Variants in WDPCP observed in about 807,000 individuals in gnomAD.
WDPCP encodes the protein WD repeat containing planar cell polarity effector.
A neutral mutation model predicts 93.1 loss-of-function variants in WDPCP; 71 were observed. The observed-to-expected ratio is 0.76, with a 90% confidence interval of 0.63 to 0.93. The LOEUF (loss-of-function observed/expected upper bound fraction) is 0.93. WDPCP is among the 40% of genes least tolerant of loss of function. The pLI, the probability that WDPCP is intolerant of heterozygous loss-of-function variation, is 0.00. For missense variants in WDPCP, 844 were observed against 887.4 expected, an observed-to-expected ratio of 0.95 and a Z score of 0.62; for synonymous variants, 315 against 315.0, an observed-to-expected ratio of 1.00 and a Z score of 0.00.
chr2:63,476,579 T>C (rs1699986718), intron 6 of WDPCP, among the ~76,000 whole-genome samples: 1 of 152,184 alleles, frequency 6.6e-6, no homozygotes, highest in Admixed American at 6.6e-5. Context: ...AGTGATTTCA[T>C]GTGTCTATTT....
chr2:63,419,792 A>G (rs1695709227), intron 9 of WDPCP, among the ~76,000 whole-genome samples: 1 of 152,132 alleles, frequency 6.6e-6, no homozygotes, highest in African/African-American at 2.4e-5. Context: ...ATAAATCAGG[A>G]AAAAAAATTA....
chr2:63,349,190 C>G (rs1558502886), intron 12 of WDPCP, among the ~76,000 whole-genome samples: 1 of 151,774 alleles, frequency 6.6e-6, no homozygotes, highest in Non-Finnish European at 1.5e-5. Context: ...GTCAAAGTTC[C>G]TGGTTTTTTT....
chr2:63,156,552 A>G (rs1031393430), intron 15 of WDPCP, among the ~76,000 whole-genome samples: 4 of 151,730 alleles, frequency 2.6e-5, no homozygotes, highest in Admixed American at 6.6e-5. Flanking sequence ...TCTGGCCAAC[A>G]TGGTAAAACC....
intron 2 of WDPCP, among the ~76,000 whole-genome samples, chr2:63,657,346 A>T (rs1354339983): frequency 6.6e-6 from 1 of 151,482 alleles, no homozygotes; most frequent in East Asian, 2.0e-4. Flanking sequence ...CTGGGACTAC[A>T]GGCACCCGCC....
intron 2 of WDPCP, among the ~76,000 whole-genome samples, chr2:63,670,756 A>C (rs1211531192): frequency 2.6e-5 from 4 of 152,206 alleles, no homozygotes; most frequent in African/African-American, 9.6e-5. Flanking sequence ...CAGAAATGGC[A>C]TCTGAGGTTA....
chr2:63,488,799 T>C (rs1700711295), intron 2 of WDPCP, among the ~76,000 whole-genome samples: 2 of 152,034 alleles, frequency 1.3e-5, no homozygotes, highest in Admixed American at 6.6e-5. Flanking sequence ...ATATATATCA[T>C]AACTCTAGAA....
At chr2:63,687,876 A>G (rs1668832082) in intron 2 of WDPCP, among the ~76,000 whole-genome samples, 1 of 152,234 alleles carries the variant, frequency 6.6e-6, no homozygotes, top group African/African-American at 2.4e-5. Flanking sequence ...TCGAAGATGT[A>G]TCTGTACTCC....
chr2:63,592,092 C>A (rs1709210918), upstream of WDPCP, among the ~76,000 whole-genome samples: 1 of 152,112 alleles, frequency 6.6e-6, no homozygotes, highest in Non-Finnish European at 1.5e-5. Context: ...TTGGTGTATC[C>A]TTTTTGTTTC....
At chr2:63,650,109 C>T (rs893903703) in intron 3 of WDPCP, among the ~76,000 whole-genome samples, 8 of 152,172 alleles carry the variant, frequency 5.3e-5, no homozygotes, top group Non-Finnish European at 1.2e-4. Flanking sequence ...AATGGAATAA[C>T]CAGCTTGGAT....
chr2:63,180,033 A>T (rs1574812716), intron 14 of WDPCP, among the ~76,000 whole-genome samples: 2 of 152,278 alleles, frequency 1.3e-5, no homozygotes, highest in East Asian at 3.9e-4. Flanking sequence ...GGAGGTCATT[A>T]TCTTAAGTGA....
In WDPCP at chr2:63,524,692, C is replaced by T. The variant is rs534248408; in HGVS notation, c.76-31752G>A. ...AAATACCATTCTAGACATAGGACTT[C>T]GCAAAGATTTCATGATGAAGATGGC... On this transcript the variant is annotated intron_variant, in intron 1 of 17. Transcript: ENST00000272321. 6.6e-5 allele frequency among the ~76,000 whole-genome samples: 10 copies of T among 152,088 alleles called. No individual in the cohort carries two copies. The South Asian group carries it at 1.7e-3, about 25-fold the overall frequency.
intron 6 of WDPCP, among the ~76,000 whole-genome samples, chr2:63,464,550 T>C (rs1699221003): frequency 6.6e-6 from 1 of 152,028 alleles, no homozygotes; most frequent in African/African-American, 2.4e-5. Flanking sequence ...TCCAAAAGAA[T>C]TGAAAGCGGG....
chr2:63,832,271 C>G (rs1243274694), upstream of WDPCP, among the ~76,000 whole-genome samples: 2 of 152,190 alleles, frequency 1.3e-5, no homozygotes, highest in Non-Finnish European at 2.9e-5. Context: ...CATTTTCCAT[C>G]AGGTAATAAT....
At chr2:63,581,816 T>C (rs1179743862) in intron 1 of WDPCP, among the ~76,000 whole-genome samples, 1 of 151,882 alleles carries the variant, frequency 6.6e-6, no homozygotes, top group Non-Finnish European at 1.5e-5. Context: ...AGACCAGCCC[T>C]GGAAACATGG....
At chr2:63,655,129 C>T (rs1201001347) in intron 2 of WDPCP, among the ~76,000 whole-genome samples, 1 of 152,118 alleles carries the variant, frequency 6.6e-6, no homozygotes, top group Non-Finnish European at 1.5e-5. Context: ...GTGGGTCTGC[C>T]CAATTGCAAA....
At chr2:63,485,362 T>TG (rs1179519259) in intron 4 of WDPCP, among the ~76,000 whole-genome samples, 1 of 126,002 alleles carries the variant, frequency 7.9e-6, no homozygotes, top group East Asian at 2.3e-4. Flanking sequence ...TACTCAGACC[T>TG]AAAAAAAAAA....
intron 1 of WDPCP, among the ~76,000 whole-genome samples, chr2:63,585,425 CTATT>C (rs1288966378): frequency 2.0e-5 from 3 of 151,792 alleles, no homozygotes; most frequent in Admixed American, 2.0e-4. Flanking sequence ...CTAAGGTCAA[CTATT>C]TAGCTCTGCA....
chr2:63,701,144 A>C (rs1427783249), intron 2 of WDPCP, among the ~76,000 whole-genome samples: 1 of 152,260 alleles, frequency 6.6e-6, no homozygotes, highest in Non-Finnish European at 1.5e-5. Flanking sequence ...AAGGAGCTCA[A>C]ACAACTCAAT....
At chr2:63,408,590 C>T (rs2105238048) in intron 9 of WDPCP, among the ~76,000 whole-genome samples, 1 of 152,276 alleles carries the variant, frequency 6.6e-6, no homozygotes, top group African/African-American at 2.4e-5. Context: ...GGGATGCACA[C>T]TCCACAGCCA....
Sources: gnomAD v4.1 joint callset for allele counts (sites outside exome capture counted in the v4.1 genomes callset) on GRCh38, gnomAD v4.1.1 for gene constraint, MANE v1.5 for transcripts, NCBI Gene and HGNC (gene_info 2026-07-23, HGNC 2026-07-21) for gene names.